The following PCDH9 variants were observed in gnomAD, a reference collection of about 807,000 sequenced individuals.
PCDH9 encodes protocadherin 9, also known as protocadherin-9.
Under a neutral mutation model 70.6 loss-of-function variants are expected in PCDH9, and 24 were observed. The observed-to-expected ratio is 0.34, with a 90% CI of 0.25 to 0.48. PCDH9 has a LOEUF of 0.48. PCDH9 is among the 20% of genes least tolerant of loss of function. The pLI, the probability that PCDH9 is intolerant of heterozygous loss-of-function variation, is 0.99. For missense variants in PCDH9, 1,281 were observed against 1,503.6 expected, an observed-to-expected ratio of 0.85 and a Z score of 2.45; for synonymous variants, 562 against 558.5, an observed-to-expected ratio of 1.01 and a Z score of -0.09.
intron 4 of PCDH9, among the ~76,000 whole-genome samples, chr13:66,410,931 A>G (rs2138322696): frequency 6.6e-6 from 1 of 152,346 alleles, no homozygotes; most frequent in African/African-American, 2.4e-5. Context: ...ATTTTCCAAA[A>G]AAACAACAAA....
chr13:66,699,058 G>C (rs1427346265), intron 3 of PCDH9, among the ~76,000 whole-genome samples: 1 of 151,610 alleles, frequency 6.6e-6, no homozygotes, highest in Non-Finnish European at 1.5e-5. Flanking sequence ...GAAATTACAG[G>C]CACCCACCAT....
chr13:67,029,671 A>C (rs753584285), intron 2 of PCDH9, among the ~76,000 whole-genome samples: 7 of 152,188 alleles, frequency 4.6e-5, no homozygotes, highest in Non-Finnish European at 4.4e-5. Flanking sequence ...TATGGAACTA[A>C]GCTTATTCAT....
chr13:66,830,356 C>T (rs1022032363), intron 3 of PCDH9, among the ~76,000 whole-genome samples: 4 of 152,196 alleles, frequency 2.6e-5, no homozygotes, highest in Non-Finnish European at 4.4e-5. Context: ...ATTAACGCTG[C>T]TTCATTACTG....
At position 66,583,639 on chromosome 13, in the gene PCDH9, T is replaced by C. The variant is rs368217127; in HGVS notation, c.3340+47571A>G. On this transcript the variant is annotated intron_variant, in intron 4 of 4. Coordinates refer to ENST00000377865, the MANE Select transcript of PCDH9 (RefSeq NM_203487.3). ...AAAAAAAAAAAAAGAATAAAACTCT[T>C]TGAAATAGTTTGTTATTTCTTGTTC... 4.6e-5 allele frequency among the ~76,000 whole-genome samples: 7 copies of C among 152,204 alleles called. No homozygotes were observed. The East Asian group carries it at 9.7e-4, about 21-fold the overall frequency.
intron 2 of PCDH9, among the ~76,000 whole-genome samples, chr13:67,128,824 C>A (rs1253035708): frequency 6.6e-6 from 1 of 152,136 alleles, no homozygotes; most frequent in East Asian, 1.9e-4. Flanking sequence ...GATGGAGCAG[C>A]AAGCCTACAA....
intron 2 of PCDH9, among the ~76,000 whole-genome samples, chr13:67,165,360 T>C (rs2088082582): frequency 6.6e-6 from 1 of 152,146 alleles, no homozygotes; most frequent in Non-Finnish European, 1.5e-5. Context: ...AGCATTCCAT[T>C]TAATTTTAAA....
intron 2 of PCDH9, among the ~76,000 whole-genome samples, chr13:67,040,942 G>A (rs1179692103): frequency 6.6e-6 from 1 of 151,992 alleles, no homozygotes; most frequent in Non-Finnish European, 1.5e-5. Context: ...ACAGATGCCA[G>A]GAAGAAAACC....
intron 3 of PCDH9, among the ~76,000 whole-genome samples, chr13:66,726,977 G>C (rs906817730): frequency 2.0e-5 from 3 of 152,110 alleles, no homozygotes; most frequent in African/African-American, 7.2e-5. Flanking sequence ...TCTAAAACTG[G>C]AGCCAGGCAG....
intron 4 of PCDH9, among the ~76,000 whole-genome samples, chr13:66,311,913 G>A (rs1040466068): frequency 7.2e-5 from 11 of 152,206 alleles, no homozygotes; most frequent in African/African-American, 2.6e-4. Flanking sequence ...CAAATCCAAA[G>A]GTAAATATGA....
chr13:67,191,426 T>C (rs2088910214), intron 2 of PCDH9, among the ~76,000 whole-genome samples: 1 of 152,174 alleles, frequency 6.6e-6, no homozygotes. Context: ...TTTATCTCTA[T>C]AAATCACTAC....
intron 4 of PCDH9, among the ~76,000 whole-genome samples, chr13:66,327,133 C>G (rs1489895945): frequency 1.3e-5 from 2 of 152,110 alleles, no homozygotes; most frequent in Non-Finnish European, 2.9e-5. Context: ...AGTAAATACA[C>G]CAAGTCACAT....
chr13:66,848,924 T>C (rs999462860), intron 3 of PCDH9, among the ~76,000 whole-genome samples: 2 of 104,878 alleles, frequency 1.9e-5, no homozygotes, highest in African/African-American at 4.1e-5. Flanking sequence ...CGAGACTCCG[T>C]CTCAAAAAAA....
In PCDH9 at chr13:66,631,382, A is replaced by C; in HGVS notation, c.3168T>G (p.Pro1056=). The C allele has an allele frequency of 6.2e-7, 1 of 1,611,934 alleles. No homozygotes were observed. Among genetic ancestry groups the C allele is most frequent in the Non-Finnish European group, 8.5e-7 (1 of 1,178,016 alleles). ...ESQRRVTFHL[P]DGSQESCSDS... ...CACTGCAGCTTTCCTGGGAGCCATCAGGGAGATGAAACGTAACACGGCGCT... is the reference window on the plus strand; with the variant it reads ...CACTGCAGCTTTCCTGGGAGCCATCCGGGAGATGAAACGTAACACGGCGCT... Residue 1056 remains proline (P), a synonymous_variant, in exon 4 of 5, where the codon CCT becomes CCG. Transcript: ENST00000377865.
At chr13:66,912,557 C>T (rs550753193) in intron 2 of PCDH9, among the ~76,000 whole-genome samples, 1 of 151,916 alleles carries the variant, frequency 6.6e-6, no homozygotes, top group South Asian at 2.1e-4. Context: ...CTTATGAATA[C>T]ATGTTTTATG....
chr13:66,571,184 T>A (rs2076728287), intron 4 of PCDH9, among the ~76,000 whole-genome samples: 1 of 152,192 alleles, frequency 6.6e-6, no homozygotes, highest in Admixed American at 6.5e-5. Context: ...TATTGTTACA[T>A]GGTAAGTTAT....
At chr13:66,700,222 G>T (rs2078620168) in intron 3 of PCDH9, among the ~76,000 whole-genome samples, 1 of 152,060 alleles carries the variant, frequency 6.6e-6, no homozygotes, top group South Asian at 2.1e-4. Context: ...TAATTAGGCT[G>T]GGTAGAAAGG....
At chr13:66,934,367 C>T (rs1275728595) in intron 2 of PCDH9, among the ~76,000 whole-genome samples, 2 of 151,572 alleles carry the variant, frequency 1.3e-5, no homozygotes, top group African/African-American at 2.4e-5. Context: ...CCCCGAAACC[C>T]CGTCTCTAGT....
chr13:66,792,875 C>G (rs1472670938), intron 3 of PCDH9, among the ~76,000 whole-genome samples: 1 of 152,036 alleles, frequency 6.6e-6, no homozygotes, highest in Non-Finnish European at 1.5e-5. Flanking sequence ...ATACTAAATT[C>G]AAGCAACCTG....
At chr13:66,610,269 G>T (rs1407814587) in intron 4 of PCDH9, among the ~76,000 whole-genome samples, 1 of 151,810 alleles carries the variant, frequency 6.6e-6, no homozygotes, top group Non-Finnish European at 1.5e-5. Flanking sequence ...ACAGAGCAAA[G>T]GAGAATGAGA....
Sources: gnomAD v4.1 joint callset for allele counts (sites outside exome capture counted in the v4.1 genomes callset) on GRCh38, gnomAD v4.1.1 for gene constraint, MANE v1.5 for transcripts, NCBI Gene and HGNC (gene_info 2026-07-23, HGNC 2026-07-21) for gene names.